PLPP4: variants seen among roughly 807,000 people sequenced by gnomAD.
PLPP4 encodes phospholipid phosphatase 4, also known as diacylglycerol pyrophosphate like 2.
In PLPP4, 20 loss-of-function variants were observed where a neutral mutation model predicts 32.2. That is an observed-to-expected ratio of 0.62 (90% CI 0.44 to 0.90). The LOEUF is 0.90. Ranked by LOEUF, PLPP4 falls within the 40% of genes least tolerant of loss-of-function variation. The probability of loss-of-function intolerance (pLI) is 0.00; values close to 1 mark genes in which losing one functional copy is unlikely to be tolerated. For missense variants in PLPP4, 257 were observed against 353.1 expected (o/e 0.73, Z 2.18); for synonymous variants, 127 against 133.0 (o/e 0.95, Z 0.31).
intron 1 of PLPP4, among the ~76,000 whole-genome samples, chr10:120,483,520 G>A (rs1253620282): frequency 6.6e-6 from 1 of 152,176 alleles, no homozygotes; most frequent in Non-Finnish European, 1.5e-5. Context: ...GCATTCCACT[G>A]TGGTCACCAC....
chr10:120,574,168 A>ACACACT (rs1849090021), intron 5 of PLPP4, among the ~76,000 whole-genome samples: 13 of 47,118 alleles, frequency 2.8e-4, no homozygotes, highest in East Asian at 1.8e-3. Flanking sequence ...ACACACACAC[A>ACACACT]CTCTCTCTCT....
Position 120,457,347 on chromosome 10 carries a change from C to T in PLPP4, c.42C>T (p.Leu14=), listed in dbSNP as rs369406366. 1.6e-4 allele frequency: 253 copies of T among 1,536,116 alleles called. No homozygotes were observed. Among genetic ancestry groups the T allele is most frequent in the Admixed American group, 6.9e-4 (34 of 49,032 alleles). ...TTGAGATCGGGGTGCGAGCCCTGCT[C>T]TTCGGAGTCTTCGTGTAAGTAGTGG... ...LAIEIGVRAL[L]FGVFVFTEFL... is the part of the protein sequence containing the mutation. The change falls in exon 1 of 7, where the codon CTC becomes CTT. Residue 14 remains leucine (L), a synonymous_variant. Coordinates refer to ENST00000398250, the MANE Select transcript of PLPP4 (RefSeq NM_001030059.3).
intron 1 of PLPP4, among the ~76,000 whole-genome samples, chr10:120,488,167 G>C (rs72834299): frequency 4.2e-4 from 64 of 152,318 alleles, no homozygotes; most frequent in Non-Finnish European, 8.2e-4. Context: ...AGTGATCAAA[G>C]AACAGAAGGG....
chr10:120,532,219 T>C (rs1846771934), intron 5 of PLPP4, among the ~76,000 whole-genome samples: 1 of 152,194 alleles, frequency 6.6e-6, no homozygotes, highest in Admixed American at 6.5e-5. Context: ...GCTTCATCCA[T>C]GTCCCTGCAA....
intron 3 of PLPP4, among the ~76,000 whole-genome samples, chr10:120,516,388 A>C (rs752342481): frequency 6.6e-6 from 1 of 152,202 alleles, no homozygotes; most frequent in Admixed American, 6.5e-5. Context: ...TGCATCTGGC[A>C]TTGGATGAGA....
At chr10:120,463,273 A>G (rs572163428) in intron 1 of PLPP4, among the ~76,000 whole-genome samples, 17 of 152,116 alleles carry the variant, frequency 1.1e-4, no homozygotes, top group Admixed American at 3.3e-4. Context: ...TGATCTGCCC[A>G]CCTTGGCCTC....
rs1368469593 is a variant in PLPP4 at position 120,576,376 on chromosome 10, C to T, written c.616+1075C>T. On this transcript the variant is annotated intron_variant, in intron 6 of 6. Transcript: ENST00000398250. ...CTTTGCAGCCAGCTGCCTTGCAGGA[C>T]TGCCCTCTTCCTACCTTTTCCGGGG... Among the ~76,000 whole-genome samples the T allele has an allele frequency of 2.0e-5, 3 of 152,220 alleles. No homozygotes were observed. In the East Asian group the frequency reaches 5.8e-4, roughly 29 times the overall value.
At chr10:120,506,357 T>C (rs915484021) in intron 2 of PLPP4, among the ~76,000 whole-genome samples, 4 of 152,236 alleles carry the variant, frequency 2.6e-5, no homozygotes, top group Non-Finnish European at 5.9e-5. Flanking sequence ...AGATTTGTTC[T>C]CCTGGGTTTT....
intron 5 of PLPP4, among the ~76,000 whole-genome samples, chr10:120,569,545 G>T (rs560959392): frequency 6.6e-6 from 1 of 152,248 alleles, no homozygotes; most frequent in South Asian, 2.1e-4. Flanking sequence ...TAGGAGTTTT[G>T]GAGTTCCTTT....
intron 5 of PLPP4, among the ~76,000 whole-genome samples, chr10:120,531,222 C>T (rs946734463): frequency 1.4e-4 from 21 of 151,630 alleles, no homozygotes; most frequent in Non-Finnish European, 5.9e-5. Context: ...TCTTCTGCCT[C>T]AGCCTCCCAA....
At chr10:120,512,733 A>G (rs1845778585) in intron 2 of PLPP4, among the ~76,000 whole-genome samples, 1 of 152,156 alleles carries the variant, frequency 6.6e-6, no homozygotes, top group Non-Finnish European at 1.5e-5. Flanking sequence ...GAATTGCTTG[A>G]ACCCGGGAGG....
chr10:120,570,050 G>A (rs950077484), intron 5 of PLPP4, among the ~76,000 whole-genome samples: 15 of 152,152 alleles, frequency 9.9e-5, no homozygotes, highest in African/African-American at 3.6e-4. Flanking sequence ...TCATAGAATG[G>A]CCTAATGACT....
chr10:120,466,737 G>A (rs1399443805), intron 1 of PLPP4, among the ~76,000 whole-genome samples: 1 of 142,834 alleles, frequency 7.0e-6, no homozygotes, highest in Non-Finnish European at 1.5e-5. Context: ...ACGCACCTGA[G>A]CCTCCTCGTC....
intron 5 of PLPP4, among the ~76,000 whole-genome samples, chr10:120,558,415 T>C (rs868078837): frequency 1.1e-4 from 17 of 150,342 alleles, no homozygotes; most frequent in Non-Finnish European, 1.9e-4. Flanking sequence ...TTCTTTCTTT[T>C]TTTTTTTTTT....
chr10:120,536,812 G>A (rs1847049563), intron 5 of PLPP4, among the ~76,000 whole-genome samples: 1 of 151,992 alleles, frequency 6.6e-6, no homozygotes, highest in African/African-American at 2.4e-5. Flanking sequence ...CAAATAAGAG[G>A]TTAACCTCAA....
intron 6 of PLPP4, among the ~76,000 whole-genome samples, chr10:120,580,119 A>G: frequency 1.2e-5 from 1 of 84,132 alleles, no homozygotes; most frequent in Non-Finnish European, 2.6e-5. Context: ...GACTCTCAAA[A>G]AAAAAAAAAA....
intron 5 of PLPP4, among the ~76,000 whole-genome samples, chr10:120,543,876 G>A (rs2133968247): frequency 6.6e-6 from 1 of 152,276 alleles, no homozygotes; most frequent in Admixed American, 6.5e-5. Flanking sequence ...TCGTCTTGTT[G>A]TGACTGTTTT....
intron 1 of PLPP4, among the ~76,000 whole-genome samples, chr10:120,480,079 A>G (rs1468809414): frequency 6.6e-6 from 1 of 152,220 alleles, no homozygotes; most frequent in Non-Finnish European, 1.5e-5. Flanking sequence ...ATTTAGGTTT[A>G]GCCTGAGTGT....
chr10:120,542,272 G>A (rs976635861), intron 5 of PLPP4, among the ~76,000 whole-genome samples: 1 of 152,216 alleles, frequency 6.6e-6, no homozygotes, highest in South Asian at 2.1e-4. Context: ...GGGCTCAGAT[G>A]CAAATGACCA....
Sources: gnomAD v4.1 joint callset for allele counts (sites outside exome capture counted in the v4.1 genomes callset) on GRCh38, gnomAD v4.1.1 for gene constraint, MANE v1.5 for transcripts, NCBI Gene and HGNC (gene_info 2026-07-23, HGNC 2026-07-21) for gene names.